Variants in NDUFAF7 observed in about 807,000 individuals in gnomAD.
The protein encoded by NDUFAF7 is protein arginine methyltransferase NDUFAF7, mitochondrial.
NDUFAF7 carries 48 observed loss-of-function variants against 47.2 expected under a neutral mutation model. The observed-to-expected ratio is 1.02, with a 90% CI of 0.81 to 1.29. The LOEUF is 1.29. NDUFAF7 is among the 50% of genes most tolerant of loss of function. The pLI is 0.00. For synonymous variants in NDUFAF7, 217 were observed against 190.0 expected, an observed-to-expected ratio of 1.14 and a Z score of -1.17; for missense variants, 635 against 537.6, an observed-to-expected ratio of 1.18 and a Z score of -1.79.
At chr2:37,260,075 G>T in the NDUFAF7 span, 1 of 695,112 alleles carries the variant, frequency 1.4e-6, no homozygotes, top group Non-Finnish European at 2.3e-6. Flanking sequence ...TGAGGCATGA[G>T]AATCACTTGA....
At chr2:37,262,139 C>G in the NDUFAF7 span, among the ~76,000 whole-genome samples, 1 of 152,258 alleles carries the variant, frequency 6.6e-6, no homozygotes. Flanking sequence ...GAGGAGCATC[C>G]TGTACATTTT....
At chr2:37,265,488 T>TACACACAC in the NDUFAF7 span, among the ~76,000 whole-genome samples, 1 of 150,052 alleles carries the variant, frequency 6.7e-6, no homozygotes, top group Admixed American at 6.7e-5. Flanking sequence ...ATCTTTATAC[T>TACACACAC]ACACACACAC....
chr2:37,247,515 AGCTGATGTGG>A lies in NDUFAF7; in HGVS notation c.997_1006del (p.Ala333ThrfsTer13). The A allele has an allele frequency of 6.2e-7, 1 of 1,614,084 alleles. No individual in the cohort carries two copies. ...TTGCCCCAGGAACAGCAGATCTAAC[AGCTGATGTGG>A]ACTTCAGTTATTTGCGAAGAATGGC... is the stretch of plus-strand genomic sequence containing the variant. On this transcript the variant is annotated frameshift_variant, in exon 9 of 10. Transcript: ENST00000002125. LOFTEE classifies it high-confidence loss of function.
chr2:37,254,514 G>T (rs1167331178), downstream of NDUFAF7, among the ~76,000 whole-genome samples: 1 of 152,156 alleles, frequency 6.6e-6, no homozygotes, highest in Non-Finnish European at 1.5e-5. Flanking sequence ...ATAGAGTACA[G>T]GTTAAAGTAT....
At chr2:37,232,038 C>T (rs968809275) in intron 1 of NDUFAF7, 68 bp from the exon 2 acceptor site, 1 of 1,612,868 alleles carries the variant, frequency 6.2e-7, no homozygotes, top group Admixed American at 1.7e-5. Flanking sequence ...TTTGAAAACG[C>T]TCAGGCGGCT....
intron 6 of NDUFAF7, among the ~76,000 whole-genome samples, chr2:37,243,304 A>G (rs1666545143): frequency 6.6e-6 from 1 of 152,176 alleles, no homozygotes; most frequent in Non-Finnish European, 1.5e-5. Flanking sequence ...TAGAAAAATT[A>G]TCTGGGCTTG....
intron 7 of NDUFAF7, among the ~76,000 whole-genome samples, chr2:37,244,846 A>T (rs1176095793): frequency 6.6e-6 from 1 of 152,228 alleles, no homozygotes; most frequent in African/African-American, 2.4e-5. Flanking sequence ...TGACATATTC[A>T]TAGAACTACC....
the NDUFAF7 span, chr2:37,269,249 A>C: frequency 4.5e-6 from 1 of 220,574 alleles, no homozygotes; most frequent in East Asian, 1.0e-4. Context: ...ACAGTAGACA[A>C]ATGGTGCCAT....
At chr2:37,258,511 T>G in the NDUFAF7 span, among the ~76,000 whole-genome samples, 2 of 152,314 alleles carry the variant, frequency 1.3e-5, no homozygotes, top group East Asian at 3.9e-4. Flanking sequence ...TCCCTTTGCT[T>G]CTCATTGGAA....
downstream of NDUFAF7, chr2:37,254,106 A>C (rs981061275): frequency 9.3e-6 from 8 of 864,034 alleles, no homozygotes; most frequent in East Asian, 2.0e-4. Flanking sequence ...GAGCACTTTT[A>C]TTATTCTGCT....
chr2:37,271,085 A>G, the NDUFAF7 span, among the ~76,000 whole-genome samples: 1 of 152,344 alleles, frequency 6.6e-6, no homozygotes, highest in Non-Finnish European at 1.5e-5. Context: ...CTAGAGTCCA[A>G]TCTTCATTGC....
At position 37,247,540 on chromosome 2, in the gene NDUFAF7, C is replaced by T. The variant is rs369351698; in HGVS notation, c.1021C>T (p.Arg341Ter). The T allele has an allele frequency of 1.9e-5, 30 of 1,613,780 alleles. No individual in the cohort carries two copies. The highest frequency in any genetic ancestry group is 2.7e-5 in the African/African-American group (2 of 74,854). ...LTADVDFSYL[R>*]RMAQGKVASL... is the part of the protein sequence containing the mutation. ...AGCTGATGTGGACTTCAGTTATTTG[C>T]GAAGAATGGCACAGGGAAAAGTAGC... Residue 341 changes from arginine to a stop codon, truncating the protein, a stop_gained, in exon 9 of 10, where the codon CGA (arginine) becomes TGA (stop). Coordinates refer to ENST00000002125, the MANE Select transcript of NDUFAF7 (RefSeq NM_144736.5). LOFTEE classifies it high-confidence loss of function.
intron 2 of NDUFAF7, among the ~76,000 whole-genome samples, chr2:37,234,262 T>C (rs566307975): frequency 6.6e-6 from 1 of 152,260 alleles, no homozygotes; most frequent in African/African-American, 2.4e-5. Flanking sequence ...GCTAGGTTTT[T>C]TGTATTTTCA....
rs2148437988 is a variant in NDUFAF7 at position 37,246,086 on chromosome 2, C to A, written c.827C>A (p.Pro276His). ...ACAAGGGATCATGTTGAAGTGTGTC[C>A]TGATGCTGGTGTTATCATCGAGGAA... ...DETRDHVEVC[P>H]DAGVIIEELS... The change falls in exon 8 of 10, where the codon CCT (proline) becomes CAT (histidine). Residue 276 changes from proline to histidine, a missense_variant. Transcript: ENST00000002125. 3 of 1,613,906 alleles carry A rather than the reference C, an allele frequency of 1.9e-6. No individual in the cohort carries two copies. Among genetic ancestry groups the A allele is most frequent in the Non-Finnish European group, 2.5e-6 (3 of 1,179,860 alleles).
chr2:37,242,258 A>G (rs1201511150), intron 5 of NDUFAF7: 1 of 260,454 alleles, frequency 3.8e-6, no homozygotes, highest in Non-Finnish European at 7.4e-6. Flanking sequence ...ACTCAAAGCC[A>G]AAGTGGGGGT....
chr2:37,256,545 G>A, downstream of NDUFAF7: 1 of 1,260,308 alleles, frequency 7.9e-7, no homozygotes, highest in Middle Eastern at 2.8e-4. Flanking sequence ...AAGATGAATG[G>A]GAGATGTACT....
chr2:37,256,537 GATGA>G, downstream of NDUFAF7: 1 of 1,227,934 alleles, frequency 8.1e-7, no homozygotes, highest in Non-Finnish European at 1.1e-6. Context: ...GAATTTGGAA[GATGA>G]ATGGGAGATG....
chr2:37,262,466 A>C, the NDUFAF7 span, among the ~76,000 whole-genome samples: 2 of 152,228 alleles, frequency 1.3e-5, no homozygotes, highest in African/African-American at 2.4e-5. Flanking sequence ...CTTGTTTGCT[A>C]ATCATTTTAA....
the NDUFAF7 span, chr2:37,260,155 CTCTTG>C: frequency 7.1e-7 from 1 of 1,404,518 alleles, no homozygotes; most frequent in Non-Finnish European, 9.8e-7. Context: ...CAGAGTAAGA[CTCTTG>C]TCTTAAAAAA....
Sources: gnomAD v4.1 joint callset for allele counts (sites outside exome capture counted in the v4.1 genomes callset) on GRCh38, gnomAD v4.1.1 for gene constraint, MANE v1.5 for transcripts, NCBI Gene and HGNC (gene_info 2026-07-23, HGNC 2026-07-21) for gene names.